Variants in NRG1 observed in about 807,000 individuals in gnomAD.
NRG1 encodes the protein pro-neuregulin-1, membrane-bound isoform.
A neutral mutation model predicts 63.8 loss-of-function variants in NRG1; 18 were observed. The ratio of observed to expected loss-of-function variants is 0.28; its 90% confidence interval spans 0.19 to 0.42. The LOEUF is 0.42. Ranked by LOEUF, NRG1 falls within the 10% of genes least tolerant of loss-of-function variation. The pLI, the probability that NRG1 is intolerant of heterozygous loss-of-function variation, is 1.00. For missense variants in NRG1, 762 were observed against 814.7 expected (o/e 0.94, Z 0.79); for synonymous variants, 302 against 301.3 (o/e 1.00, Z -0.02).
At chr8:32,530,401 C>T (rs958005198) in intron 1 of NRG1, among the ~76,000 whole-genome samples, 2 of 152,148 alleles carry the variant, frequency 1.3e-5, no homozygotes, top group Non-Finnish European at 2.9e-5. Context: ...GCCACCGCGC[C>T]CAGCCAGCTC....
intron 1 of NRG1, among the ~76,000 whole-genome samples, chr8:31,675,625 A>G (rs1807611686): frequency 6.6e-6 from 1 of 152,180 alleles, no homozygotes; most frequent in African/African-American, 2.4e-5. Flanking sequence ...TCTCTTGTTT[A>G]TAAAAAAACA....
chr8:32,236,337 C>T (rs190144407), intron 1 of NRG1, among the ~76,000 whole-genome samples: 237 of 152,216 alleles, frequency 1.6e-3, no homozygotes, highest in African/African-American at 5.5e-3. Context: ...AAATTCCTTT[C>T]CTCTACTCCC....
At chr8:31,852,969 T>C (rs1006003823) in intron 1 of NRG1, among the ~76,000 whole-genome samples, 3 of 152,022 alleles carry the variant, frequency 2.0e-5, no homozygotes, top group South Asian at 2.1e-4. Context: ...CATTGATCTA[T>C]ATCTCTGTTT....
At chr8:32,277,731 C>T (rs572615141) in intron 1 of NRG1, among the ~76,000 whole-genome samples, 68 of 152,188 alleles carry the variant, frequency 4.5e-4, no homozygotes, top group African/African-American at 1.3e-3. Context: ...TGGCAGAGGC[C>T]GGGGATGGTT....
At chr8:32,177,591 T>C (rs1263911728) in intron 1 of NRG1, among the ~76,000 whole-genome samples, 1 of 152,012 alleles carries the variant, frequency 6.6e-6, no homozygotes, top group Non-Finnish European at 1.5e-5. Context: ...CCCCTCGCTG[T>C]GTCCATGTGT....
chr8:32,019,848 T>C (rs10098079), intron 1 of NRG1, among the ~76,000 whole-genome samples: 3,892 of 152,308 alleles, frequency 0.026, 179 homozygotes, highest in African/African-American at 0.089. Flanking sequence ...ACCATATACC[T>C]GTGGGTCTCC....
At chr8:32,037,034 A>C (rs542206419) in intron 1 of NRG1, among the ~76,000 whole-genome samples, 2 of 152,302 alleles carry the variant, frequency 1.3e-5, no homozygotes, top group South Asian at 4.2e-4. Flanking sequence ...TGAGTTTTCA[A>C]TGTTTTTGCA....
chr8:31,717,977 A>G (rs952956715), intron 1 of NRG1, among the ~76,000 whole-genome samples: 2 of 151,762 alleles, frequency 1.3e-5, no homozygotes, highest in African/African-American at 4.8e-5. Flanking sequence ...GTAGATGTAG[A>G]CATAATTCTA....
At chr8:32,548,671 G>C in exon 1 of NRG1, 1 of 1,538,180 alleles carries the variant, frequency 6.5e-7, no homozygotes, top group Non-Finnish European at 8.8e-7. Context: ...CGAGCCCTTG[G>C]ACCAAACTCG....
intron 1 of NRG1, among the ~76,000 whole-genome samples, chr8:32,533,880 C>G (rs1563596042): frequency 6.6e-6 from 1 of 152,076 alleles, no homozygotes; most frequent in Non-Finnish European, 1.5e-5. Flanking sequence ...TGTATTCAGA[C>G]AGGATCTTTA....
chr8:32,755,831 C>T (rs1233680030), intron 8 of NRG1, among the ~76,000 whole-genome samples: 1 of 152,126 alleles, frequency 6.6e-6, no homozygotes, highest in Non-Finnish European at 1.5e-5. Context: ...CAACCTCCCC[C>T]TCCCTGGTTC....
intron 1 of NRG1, among the ~76,000 whole-genome samples, chr8:32,293,168 T>A (rs185963654): frequency 6.6e-6 from 1 of 152,188 alleles, no homozygotes; most frequent in African/African-American, 2.4e-5. Context: ...TCAGGTTAAA[T>A]CCCTGGAACC....
At chr8:32,519,423 ATT>A (rs57992377) in intron 1 of NRG1, among the ~76,000 whole-genome samples, 10 of 149,156 alleles carry the variant, frequency 6.7e-5, no homozygotes, top group South Asian at 2.1e-4. Flanking sequence ...CGTATAACTG[ATT>A]TTTTTTTTTG....
At chr8:31,816,781 GC>G (rs888267092) in intron 1 of NRG1, among the ~76,000 whole-genome samples, 1 of 152,116 alleles carries the variant, frequency 6.6e-6, no homozygotes, top group African/African-American at 2.4e-5. Flanking sequence ...TAGAAGAAAT[GC>G]CAAATGAATG....
intron 1 of NRG1, among the ~76,000 whole-genome samples, chr8:31,955,005 T>C (rs1001301078): frequency 4.6e-5 from 7 of 151,326 alleles, no homozygotes; most frequent in African/African-American, 1.7e-4. Flanking sequence ...ATAGAGGGAG[T>C]GGAGGGGATG....
At chr8:32,538,291 T>C (rs1464168483) in intron 1 of NRG1, among the ~76,000 whole-genome samples, 1 of 152,186 alleles carries the variant, frequency 6.6e-6, no homozygotes. Context: ...GTAGGGACTC[T>C]TTCTCCCTTC....
intron 1 of NRG1, among the ~76,000 whole-genome samples, chr8:32,090,685 G>C (rs928765266): frequency 5.3e-5 from 8 of 152,228 alleles, no homozygotes; most frequent in Admixed American, 5.2e-4. Flanking sequence ...CAGAAGGAAA[G>C]AGACCTTTGA....
chr8:32,310,457 T>C (rs1272463110), intron 1 of NRG1, among the ~76,000 whole-genome samples: 1 of 152,194 alleles, frequency 6.6e-6, no homozygotes, highest in Non-Finnish European at 1.5e-5. Context: ...CCACTTCATT[T>C]CTGAGGAAAT....
chr8:32,380,369 A>C (rs918996291), intron 1 of NRG1, among the ~76,000 whole-genome samples: 2 of 152,040 alleles, frequency 1.3e-5, no homozygotes, highest in Admixed American at 1.3e-4. Context: ...TGTTTCTGGA[A>C]ATCTTTTTCT....
Sources: allele counts gnomAD v4.1 joint callset (sites outside exome capture counted in the v4.1 genomes callset), GRCh38; gene constraint gnomAD v4.1.1; transcripts MANE v1.5; gene names NCBI Gene and HGNC (gene_info 2026-07-23, HGNC 2026-07-21).